The following CSNK2A2IP variants were observed in gnomAD, a reference collection of about 807,000 sequenced individuals.
The protein encoded by CSNK2A2IP is casein kinase II subunit alpha'-interacting protein.
At chr3:88,429,204 G>A in the CSNK2A2IP span, among the ~76,000 whole-genome samples, 3 of 151,898 alleles carry the variant, frequency 2.0e-5, no homozygotes, top group South Asian at 4.2e-4. Flanking sequence ...CATGAGTCTT[G>A]GCACTTTGGT....
chr3:88,367,006 A>T, the CSNK2A2IP span, among the ~76,000 whole-genome samples: 1 of 152,042 alleles, frequency 6.6e-6, no homozygotes, highest in Non-Finnish European at 1.5e-5. Context: ...TATAGGGGAA[A>T]CCGCCACCAT....
the CSNK2A2IP span, among the ~76,000 whole-genome samples, chr3:88,360,291 G>T: frequency 6.6e-6 from 1 of 151,640 alleles, no homozygotes; most frequent in African/African-American, 2.4e-5. Context: ...CCACCACAAC[G>T]CCCGGCTATT....
the CSNK2A2IP span, among the ~76,000 whole-genome samples, chr3:88,401,265 A>G: frequency 6.6e-6 from 1 of 152,116 alleles, no homozygotes; most frequent in Admixed American, 6.5e-5. Context: ...ATAATTTCAC[A>G]AGATCTTATG....
chr3:88,461,911 GT>G, the CSNK2A2IP span, among the ~76,000 whole-genome samples: 1 of 151,140 alleles, frequency 6.6e-6, no homozygotes, highest in Non-Finnish European at 1.5e-5. Flanking sequence ...CAGCTAATTT[GT>G]TTTTTTTGTA....
chr3:88,348,414 A>G, the CSNK2A2IP span, among the ~76,000 whole-genome samples: 6 of 152,060 alleles, frequency 3.9e-5, no homozygotes, highest in Non-Finnish European at 4.4e-5. Context: ...TGTATTGCCT[A>G]TTCTACTTAG....
At chr3:88,350,600 G>A in the CSNK2A2IP span, among the ~76,000 whole-genome samples, 3,877 of 111,506 alleles carry the variant, frequency 0.035, 120 homozygotes, top group African/African-American at 0.088. Flanking sequence ...CAAAGATGAT[G>A]AAAAAAAAAA....
the CSNK2A2IP span, among the ~76,000 whole-genome samples, chr3:88,411,375 A>ATCTG: frequency 8.4e-5 from 10 of 119,654 alleles, no homozygotes; most frequent in Admixed American, 2.8e-4. Flanking sequence ...CTATCTATCT[A>ATCTG]TCTGTCTATC....
the CSNK2A2IP span, chr3:88,465,494 T>G: frequency 1.6e-6 from 2 of 1,231,730 alleles, no homozygotes; most frequent in Non-Finnish European, 2.0e-6. Flanking sequence ...ATGGCCAAAG[T>G]GCAATCCCAT....
the CSNK2A2IP span, among the ~76,000 whole-genome samples, chr3:88,446,378 G>A: frequency 2.0e-5 from 3 of 152,004 alleles, no homozygotes; most frequent in Admixed American, 6.6e-5. Flanking sequence ...ATGAGCCACC[G>A]TGCCTGACCT....
At chr3:88,356,716 G>A in the CSNK2A2IP span, among the ~76,000 whole-genome samples, 1 of 152,078 alleles carries the variant, frequency 6.6e-6, no homozygotes, top group East Asian at 1.9e-4. Context: ...CACATCAACA[G>A]TGTAGGAGTG....
chr3:88,443,115 T>C, the CSNK2A2IP span, among the ~76,000 whole-genome samples: 1 of 152,138 alleles, frequency 6.6e-6, no homozygotes, highest in Non-Finnish European at 1.5e-5. Context: ...TGTATGAGCT[T>C]TCAAATTTAA....
the CSNK2A2IP span, among the ~76,000 whole-genome samples, chr3:88,348,143 G>A: frequency 4.0e-5 from 6 of 151,822 alleles, no homozygotes; most frequent in Non-Finnish European, 5.9e-5. Flanking sequence ...ATTTGACTTC[G>A]TTTTACAAAT....
the CSNK2A2IP span, among the ~76,000 whole-genome samples, chr3:88,426,793 A>G: frequency 2.7e-5 from 4 of 150,492 alleles, no homozygotes; most frequent in Non-Finnish European, 4.4e-5. Flanking sequence ...CTGTGACTCA[A>G]TTAAAGCTCT....
the CSNK2A2IP span, chr3:88,465,280 T>C: frequency 1.2e-6 from 1 of 834,020 alleles, no homozygotes; most frequent in African/African-American, 1.8e-5. Flanking sequence ...TTCCATGGAT[T>C]CCCGCTAAAA....
the CSNK2A2IP span, chr3:88,465,974 C>G: frequency 8.1e-7 from 1 of 1,231,596 alleles, no homozygotes; most frequent in Non-Finnish European, 1.0e-6. Flanking sequence ...TCCTTGGGAC[C>G]CAAACGAAAA....
the CSNK2A2IP span, among the ~76,000 whole-genome samples, chr3:88,416,726 C>G: frequency 6.6e-6 from 1 of 152,140 alleles, no homozygotes; most frequent in Non-Finnish European, 1.5e-5. Context: ...ATCTATAAAT[C>G]CTACCCCATT....
At chr3:88,427,749 C>A in the CSNK2A2IP span, among the ~76,000 whole-genome samples, 6 of 152,112 alleles carry the variant, frequency 3.9e-5, no homozygotes, top group Admixed American at 6.5e-5. Context: ...GAACCTCCGC[C>A]TAGATTTCAA....
chr3:88,377,564 A>G, the CSNK2A2IP span, among the ~76,000 whole-genome samples: 2 of 151,666 alleles, frequency 1.3e-5, no homozygotes, highest in Non-Finnish European at 2.9e-5. Context: ...TAACTTTCTT[A>G]AAACACACTA....
chr3:88,439,624 C>A, the CSNK2A2IP span, among the ~76,000 whole-genome samples: 1 of 151,642 alleles, frequency 6.6e-6, no homozygotes, highest in East Asian at 2.0e-4. Flanking sequence ...CACCTGTAAT[C>A]CCAGCTACTC....
Sources: allele counts gnomAD v4.1 joint callset (sites outside exome capture counted in the v4.1 genomes callset), GRCh38; gene constraint gnomAD v4.1.1; transcripts MANE v1.5; gene names NCBI Gene and HGNC (gene_info 2026-07-23, HGNC 2026-07-21).